The following LINGO2 variants were observed in gnomAD, a reference collection of about 807,000 sequenced individuals.
LINGO2 encodes the protein leucine-rich repeat and immunoglobulin-like domain-containing nogo receptor-interacting protein 2.
Under a neutral mutation model 30.6 loss-of-function variants are expected in LINGO2, and 14 were observed. The observed-to-expected ratio is 0.46, with a 90% confidence interval of 0.30 to 0.72. LINGO2 has a LOEUF of 0.72. Ranked by LOEUF, LINGO2 falls within the 30% of genes least tolerant of loss-of-function variation. The probability of loss-of-function intolerance (pLI) is 0.07; values close to 1 mark genes in which losing one functional copy is unlikely to be tolerated. For synonymous variants in LINGO2, 317 were observed against 288.5 expected (o/e 1.10, Z -1.00); for missense variants, 729 against 751.7 (o/e 0.97, Z 0.35).
intron 2 of LINGO2, among the ~76,000 whole-genome samples, chr9:28,455,235 T>C (rs1261081140): frequency 6.6e-6 from 1 of 151,902 alleles, no homozygotes; most frequent in African/African-American, 2.4e-5. Context: ...TGATTGTGAG[T>C]TCATAATTTT....
At chr9:28,808,987 T>G in the LINGO2 span, among the ~76,000 whole-genome samples, 1 of 152,192 alleles carries the variant, frequency 6.6e-6, no homozygotes, top group South Asian at 2.1e-4. Flanking sequence ...TACCAGATTT[T>G]TATGCACTTA....
At chr9:28,628,324 T>C (rs1826777644) in intron 1 of LINGO2, among the ~76,000 whole-genome samples, 1 of 152,118 alleles carries the variant, frequency 6.6e-6, no homozygotes, top group East Asian at 1.9e-4. Context: ...TGTTCTTCTA[T>C]GGATAAATAC....
chr9:28,477,653 A>G (rs1327026081), intron 1 of LINGO2, among the ~76,000 whole-genome samples: 2 of 152,138 alleles, frequency 1.3e-5, no homozygotes, highest in African/African-American at 4.8e-5. Context: ...ATTCACTTCA[A>G]TACTCCAATT....
At chr9:29,048,499 C>T in the LINGO2 span, among the ~76,000 whole-genome samples, 903 of 151,866 alleles carry the variant, frequency 5.9e-3, 11 homozygotes, top group African/African-American at 0.021. Context: ...CCACAGAAGA[C>T]GCAAAATAGC....
At chr9:28,578,983 T>G (rs748504203) in intron 1 of LINGO2, among the ~76,000 whole-genome samples, 1 of 152,002 alleles carries the variant, frequency 6.6e-6, no homozygotes, top group Non-Finnish European at 1.5e-5. Flanking sequence ...GGATTTAAGA[T>G]AAGATAGAAT....
the LINGO2 span, among the ~76,000 whole-genome samples, chr9:28,961,569 T>G: frequency 2.6e-4 from 39 of 152,302 alleles, no homozygotes; most frequent in African/African-American, 8.9e-4. Context: ...GAAGAGCTAT[T>G]TATCATCTCA....
intron 4 of LINGO2, among the ~76,000 whole-genome samples, chr9:28,110,907 A>G (rs546029988): frequency 2.6e-5 from 4 of 152,298 alleles, no homozygotes; most frequent in African/African-American, 7.2e-5. Context: ...AAGGATTATA[A>G]ATCATTCTAC....
the LINGO2 span, among the ~76,000 whole-genome samples, chr9:29,062,992 G>A: frequency 6.6e-6 from 1 of 152,094 alleles, no homozygotes; most frequent in African/African-American, 2.4e-5. Context: ...AGCCCTACTG[G>A]ACATCCTATA....
chr9:28,171,855 A>C (rs552480775), intron 4 of LINGO2, among the ~76,000 whole-genome samples: 18 of 149,820 alleles, frequency 1.2e-4, no homozygotes, highest in African/African-American at 4.4e-4. Flanking sequence ...GAAAAAAAAA[A>C]CAAAAAACCA....
At chr9:28,863,337 G>GT in the LINGO2 span, among the ~76,000 whole-genome samples, 1 of 152,070 alleles carries the variant, frequency 6.6e-6, no homozygotes, top group African/African-American at 2.4e-5. Flanking sequence ...GATGTATCAT[G>GT]TTTTTTTAAC....
intron 3 of LINGO2, among the ~76,000 whole-genome samples, chr9:28,355,305 C>CTATG (rs1820137135): frequency 3.9e-5 from 1 of 25,718 alleles, no homozygotes; most frequent in African/African-American, 8.9e-5. Flanking sequence ...CTATGTCTCT[C>CTATG]TCTCTCTCTC....
intron 1 of LINGO2, among the ~76,000 whole-genome samples, chr9:28,533,288 G>A (rs1299100632): frequency 6.6e-6 from 1 of 152,058 alleles, no homozygotes; most frequent in Non-Finnish European, 1.5e-5. Flanking sequence ...TTGGGCCTTT[G>A]ACCACAGACT....
intron 1 of LINGO2, among the ~76,000 whole-genome samples, chr9:28,480,512 G>A (rs1825918924): frequency 6.6e-6 from 1 of 151,952 alleles, no homozygotes; most frequent in Non-Finnish European, 1.5e-5. Flanking sequence ...GGAATAAAGA[G>A]AAAAATAAAT....
the LINGO2 span, among the ~76,000 whole-genome samples, chr9:28,812,308 T>C: frequency 6.6e-6 from 1 of 152,142 alleles, no homozygotes; most frequent in Non-Finnish European, 1.5e-5. Flanking sequence ...TCATTGAGAA[T>C]TTCATAGATA....
the LINGO2 span, among the ~76,000 whole-genome samples, chr9:29,011,119 T>A: frequency 1.3e-5 from 2 of 152,186 alleles, no homozygotes; most frequent in Non-Finnish European, 1.5e-5. Flanking sequence ...ATGCTGCAGT[T>A]CTGAATTACA....
chr9:28,947,141 ATATATC>A, the LINGO2 span, among the ~76,000 whole-genome samples: 62 of 152,012 alleles, frequency 4.1e-4, 1 homozygote, highest in South Asian at 8.3e-4. Context: ...ATATCTCTCT[ATATATC>A]TATATCTATA....
At position 28,028,750 on chromosome 9, in the gene LINGO2, T is replaced by TTTG. The variant is rs201987618; in HGVS notation, c.-86-16346_-86-16345insCAA. Among the ~76,000 whole-genome samples, 285 of 152,284 alleles carry TTTG rather than the reference T, an allele frequency of 1.9e-3. 2 individuals carry two copies. Among genetic ancestry groups the TTTG allele is most frequent in the Middle Eastern group, 0.014 (4 of 294 alleles). ...TATTGTATTTGTGTTTTTTGTATTT[T>TTTG]TTTTCTTTTTGAATATTTTTGATGA... On this transcript the variant is annotated intron_variant, in intron 4 of 5. Transcript: ENST00000379992.
the LINGO2 span, among the ~76,000 whole-genome samples, chr9:28,761,545 A>G: frequency 1.3e-5 from 2 of 151,756 alleles, no homozygotes; most frequent in African/African-American, 2.4e-5. Context: ...GAAAATTACC[A>G]TCTCTTTAGA....
At chr9:29,165,460 T>G in the LINGO2 span, among the ~76,000 whole-genome samples, 1 of 152,050 alleles carries the variant, frequency 6.6e-6, no homozygotes, top group Non-Finnish European at 1.5e-5. Flanking sequence ...CCCCATGGAT[T>G]TGATACTGAA....
Sources: allele counts gnomAD v4.1 joint callset (sites outside exome capture counted in the v4.1 genomes callset), GRCh38; gene constraint gnomAD v4.1.1; transcripts MANE v1.5; gene names NCBI Gene and HGNC (gene_info 2026-07-23, HGNC 2026-07-21).